The following ROCK1 variants were observed in gnomAD, a reference collection of about 807,000 sequenced individuals.
The protein encoded by ROCK1 is rho-associated protein kinase 1.
A neutral mutation model predicts 196.8 loss-of-function variants in ROCK1; 36 were observed. The observed-to-expected ratio is 0.18, with a 90% CI of 0.14 to 0.24. The LOEUF is 0.24. Among genes scored for constraint, ROCK1 ranks in the 10% least tolerant of loss-of-function variants. The pLI, the probability that ROCK1 is intolerant of heterozygous loss-of-function variation, is 1.00. For synonymous variants in ROCK1, 443 were observed against 515.9 expected, an observed-to-expected ratio of 0.86 and a Z score of 1.91; for missense variants, 920 against 1,562.0, an observed-to-expected ratio of 0.59 and a Z score of 6.93.
At chr18:21,060,701 T>C (rs2036281122) in intron 2 of ROCK1, among the ~76,000 whole-genome samples, 1 of 151,950 alleles carries the variant, frequency 6.6e-6, no homozygotes, top group Admixed American at 6.6e-5. Flanking sequence ...TAGCCGGGCA[T>C]TGTGGCGCAT....
intron 16 of ROCK1, among the ~76,000 whole-genome samples, chr18:20,998,157 C>T (rs1439707469): frequency 2.0e-5 from 3 of 152,012 alleles, no homozygotes; most frequent in East Asian, 1.9e-4. Context: ...ATTTTTGAAA[C>T]GATACAAATA....
At chr18:20,990,032 C>G (rs1269834467) in intron 18 of ROCK1, among the ~76,000 whole-genome samples, 8 of 151,738 alleles carry the variant, frequency 5.3e-5, no homozygotes, top group Non-Finnish European at 8.8e-5. Context: ...CCCTTGAGCC[C>G]AGGAGCTCAA....
At chr18:21,007,112 T>C in intron 14 of ROCK1, among the ~76,000 whole-genome samples, 1 of 152,286 alleles carries the variant, frequency 6.6e-6, no homozygotes. Context: ...TTCAATTGCT[T>C]GATAATTCAA....
chr18:21,045,450 T>C lies in ROCK1; in HGVS notation c.432A>G (p.Gln144=), dbSNP rs752929375. 6.2e-7 allele frequency: 1 copy of C among 1,602,078 alleles called. No individual in the cohort carries two copies. The highest frequency in any genetic ancestry group is 2.2e-5 in the East Asian group (1 of 44,604). The change falls in exon 5 of 33, where the codon CAA becomes CAG. Residue 144 remains glutamine, a synonymous_variant. Coordinates refer to ENST00000399799, the MANE Select transcript of ROCK1 (RefSeq NM_005406.3). ...PWVVQLFYAF[Q]DDRYLYMVME... Reference sequence around the variant, plus strand: ...TCACCATGTAGAGATAACGATCATCTTGGAATGCATAAAAAAGCTATACAA... The same window carrying C: ...TCACCATGTAGAGATAACGATCATCCTGGAATGCATAAAAAAGCTATACAA...
At chr18:20,982,996 G>A (rs534555559) in intron 20 of ROCK1, among the ~76,000 whole-genome samples, 164 bp from the exon 21 acceptor site, 1 of 151,876 alleles carries the variant, frequency 6.6e-6, no homozygotes, top group South Asian at 2.1e-4. Context: ...AACTTGGTCA[G>A]GCCACACCGG....
intron 16 of ROCK1, among the ~76,000 whole-genome samples, chr18:20,996,482 G>A (rs558639792): frequency 1.3e-5 from 2 of 152,252 alleles, no homozygotes; most frequent in South Asian, 2.1e-4. Flanking sequence ...CAGAAAGAGA[G>A]ATAGGGGTAG....
At position 20,953,219 on chromosome 18, in the gene ROCK1, G is replaced by A. The variant is rs566493415; in HGVS notation, c.4061+359C>T. 293 of 170,880 alleles carry A rather than the reference G, an allele frequency of 1.7e-3. 1 individual carries two copies. The highest frequency in any genetic ancestry group is 6.6e-3 in the African/African-American group (274 of 41,686). The allele number at this position is 170,880 out of a possible 1,614,324, so 10.6% of individuals were successfully genotyped here. Reference sequence around the variant, plus strand: ...AAAGGGAAAAACAATTTTGGTTTTTGTAGAAAAACTATGCCAACACAGTTA... The same window carrying A: ...AAAGGGAAAAACAATTTTGGTTTTTATAGAAAAACTATGCCAACACAGTTA... On this transcript the variant is annotated intron_variant, in intron 32 of 32. Coordinates refer to ENST00000399799, the MANE Select transcript of ROCK1 (RefSeq NM_005406.3).
chr18:21,000,424 G>A (rs2035713785), intron 16 of ROCK1, among the ~76,000 whole-genome samples: 1 of 152,008 alleles, frequency 6.6e-6, no homozygotes, highest in Non-Finnish European at 1.5e-5. Flanking sequence ...CATCATGCCT[G>A]GCTAATTTGT....
intron 21 of ROCK1, among the ~76,000 whole-genome samples, chr18:20,981,567 G>C (rs756032842): frequency 1.3e-5 from 2 of 152,168 alleles, no homozygotes; most frequent in Non-Finnish European, 2.9e-5. Context: ...TGAAGTTACA[G>C]AGTGAACTTC....
chr18:21,006,301 T>C (rs1181702362), intron 16 of ROCK1, 50 bp downstream of exon 16: 2 of 1,427,230 alleles, frequency 1.4e-6, no homozygotes, highest in South Asian at 1.3e-5. Flanking sequence ...TAAAATGTTA[T>C]AATAAATTTC....
chr18:20,984,188 C>T (rs2035557835), intron 20 of ROCK1, among the ~76,000 whole-genome samples, 163 bp downstream of exon 20: 1 of 152,140 alleles, frequency 6.6e-6, no homozygotes, highest in Admixed American at 6.5e-5. Context: ...AGCCTGAACT[C>T]CCCTGAAAAC....
At chr18:21,087,066 A>G (rs1373827970) in intron 1 of ROCK1, among the ~76,000 whole-genome samples, 1 of 152,194 alleles carries the variant, frequency 6.6e-6, no homozygotes, top group Non-Finnish European at 1.5e-5. Flanking sequence ...AAGGAGGAAA[A>G]ATTTCTACCT....
At chr18:21,013,578 G>GT (rs1385639997) in intron 13 of ROCK1, among the ~76,000 whole-genome samples, 16 of 152,226 alleles carry the variant, frequency 1.1e-4, no homozygotes, top group South Asian at 2.1e-4. Flanking sequence ...AGCTGGAAGT[G>GT]TAAGTGTAGA....
intron 2 of ROCK1, among the ~76,000 whole-genome samples, chr18:21,057,362 G>C (rs557640162): frequency 6.6e-6 from 1 of 152,162 alleles, no homozygotes; most frequent in Non-Finnish European, 1.5e-5. Flanking sequence ...AGAGCTAGTC[G>C]TTTAGAGTTA....
chr18:21,018,794 A>T (rs2035887473), intron 12 of ROCK1, among the ~76,000 whole-genome samples: 1 of 152,178 alleles, frequency 6.6e-6, no homozygotes, highest in Non-Finnish European at 1.5e-5. Flanking sequence ...TCACAAAATT[A>T]CCAGTGTTCC....
At chr18:21,046,574 T>C (rs572457503) in intron 4 of ROCK1, among the ~76,000 whole-genome samples, 8 of 152,278 alleles carry the variant, frequency 5.3e-5, no homozygotes, top group African/African-American at 1.9e-4. Flanking sequence ...AGGCAGCAGC[T>C]AGGGTTCAAA....
chr18:21,006,468 G>A lies in ROCK1; in HGVS notation c.1768C>T (p.Arg590Ter), dbSNP rs188053260. The change falls in exon 16 of 33, where the codon CGA becomes TGA. Residue 590 changes from arginine to a stop codon, truncating the protein, a stop_gained. Coordinates refer to ENST00000399799, the MANE Select transcript of ROCK1 (RefSeq NM_005406.3). LOFTEE classifies it high-confidence loss of function. The stretch of plus-strand genomic sequence containing the variant: ...TGTGACTTAGAATTCTCTAAAATTC[G>A]ATTTCTCTCTTGCAACTCTCTGTTC... ...SLNRELQERN[R>*]ILENSKSQTD... The A allele has an allele frequency of 6.2e-7, 1 of 1,613,606 alleles. No individual in the cohort carries two copies. The highest frequency in any genetic ancestry group is 8.5e-7 in the Non-Finnish European group (1 of 1,179,918).
At chr18:21,033,487 T>C (rs1456789039) in intron 9 of ROCK1, among the ~76,000 whole-genome samples, 1 of 151,932 alleles carries the variant, frequency 6.6e-6, no homozygotes, top group African/African-American at 2.4e-5. Context: ...TCTGAGTAAT[T>C]AGGCAAGAAT....
intron 1 of ROCK1, 139 bp downstream of exon 1, chr18:21,110,679 G>T: frequency 1.4e-6 from 1 of 728,494 alleles, no homozygotes; most frequent in Non-Finnish European, 2.4e-6. Flanking sequence ...GGTACTCCAA[G>T]ATTCTTCAGG....
Sources: allele counts gnomAD v4.1 joint callset (sites outside exome capture counted in the v4.1 genomes callset), GRCh38; gene constraint gnomAD v4.1.1; transcripts MANE v1.5; gene names NCBI Gene and HGNC (gene_info 2026-07-23, HGNC 2026-07-21).